DYRK1A: variants seen among roughly 807,000 people sequenced by gnomAD.
DYRK1A encodes the protein dual specificity tyrosine phosphorylation regulated kinase 1A.
A neutral mutation model predicts 79.7 loss-of-function variants in DYRK1A; 9 were observed. The ratio of observed to expected loss-of-function variants is 0.11; its 90% CI spans 0.07 to 0.20. The LOEUF is 0.20. Among genes scored for constraint, DYRK1A ranks in the 10% least tolerant of loss-of-function variants. The pLI is 1.00. For synonymous variants in DYRK1A, 349 were observed against 329.7 expected (o/e 1.06, Z -0.63); for missense variants, 622 against 956.0 (o/e 0.65, Z 4.61).
chr21:37,444,536 G>A (rs891259748), intron 2 of DYRK1A, among the ~76,000 whole-genome samples: 2 of 152,210 alleles, frequency 1.3e-5, no homozygotes, highest in East Asian at 3.8e-4. Flanking sequence ...GGACCTTACT[G>A]TGTGTGGGGA....
intron 1 of DYRK1A, among the ~76,000 whole-genome samples, chr21:37,417,537 T>TC (rs1169486766): frequency 1.0e-4 from 11 of 107,390 alleles, no homozygotes; most frequent in Non-Finnish European, 2.1e-4. Context: ...TTCTTTTTTT[T>TC]TTTTTTTTTT....
At position 37,367,416 on chromosome 21, in the gene DYRK1A, G is replaced by C. The variant is rs1294656858; in HGVS notation, c.-289G>C. 1.3e-5 allele frequency: 2 copies of C among 148,982 alleles called. No individual in the cohort carries two copies. Among genetic ancestry groups the C allele is most frequent in the Non-Finnish European group, 3.0e-5 (2 of 66,796 alleles). 9.2% of individuals were successfully genotyped at this position (148,982 alleles called of 1,614,324 possible). On this transcript the variant is annotated 5_prime_UTR_variant, in exon 1 of 12. Coordinates refer to ENST00000647188, the MANE Select transcript of DYRK1A (RefSeq NM_001347721.2). ...GGGGACTGCGGTATTTGCCGGGGAG[G>C]GGGCTGTCGCCTCCCCGGCCCCGGG...
Position 37,512,557 on chromosome 21 carries a change from TTG to T in DYRK1A, c.*32_*33del. On this transcript the variant is annotated 3_prime_UTR_variant, in exon 12 of 12. Coordinates refer to ENST00000647188, the MANE Select transcript of DYRK1A (RefSeq NM_001347721.2). ...CTACATTGAAACTTGAGTTTGTTTC[TTG>T]TGTGTTTTTATAGAAGTGGTGTTTT... is the stretch of plus-strand genomic sequence containing the variant. 1.3e-6 allele frequency: 2 copies of T among 1,596,812 alleles called. No homozygotes were observed. The highest frequency in any genetic ancestry group is 1.7e-6 in the Non-Finnish European group (2 of 1,169,570).
At chr21:37,367,735 C>T (rs2049339352) in intron 1 of DYRK1A, 107 bp downstream of exon 1, 1 of 146,008 alleles carries the variant, frequency 6.8e-6, no homozygotes, top group Middle Eastern at 3.8e-3. Flanking sequence ...GAGGGACCTG[C>T]CATTTTAGGA....
At chr21:37,434,485 T>C (rs2050867469) in intron 2 of DYRK1A, among the ~76,000 whole-genome samples, 1 of 152,220 alleles carries the variant, frequency 6.6e-6, no homozygotes, top group Non-Finnish European at 1.5e-5. Flanking sequence ...AGAACACTGA[T>C]GTTCTTTAAA....
intron 4 of DYRK1A, among the ~76,000 whole-genome samples, chr21:37,479,136 T>A (rs1300216143): frequency 2.0e-5 from 3 of 151,620 alleles, no homozygotes; most frequent in South Asian, 2.1e-4. Flanking sequence ...GAAAAGATGT[T>A]CTTAGGTACA....
chr21:37,408,073 A>G (rs1047819066), intron 1 of DYRK1A, among the ~76,000 whole-genome samples: 13 of 152,356 alleles, frequency 8.5e-5, no homozygotes, highest in African/African-American at 3.1e-4. Flanking sequence ...AGTTAAAAAC[A>G]TTTCATGAAT....
At chr21:37,431,894 T>A (rs2050785828) in intron 2 of DYRK1A, among the ~76,000 whole-genome samples, 1 of 152,116 alleles carries the variant, frequency 6.6e-6, no homozygotes, top group Non-Finnish European at 1.5e-5. Context: ...TGCAAGAAAT[T>A]GATACAAAAA....
rs377593657 is a variant in DYRK1A, at chr21:37,514,788, G to A, written c.*2257G>A. The A allele has an allele frequency of 2.8e-4, 43 of 152,654 alleles. No individual in the cohort carries two copies. The highest frequency in any genetic ancestry group is 8.9e-4 in the African/African-American group (37 of 41,544). The allele number at this position is 152,654 out of a possible 1,614,324, so 9.5% of individuals were successfully genotyped here. On this transcript the variant is annotated 3_prime_UTR_variant, in exon 12 of 12. Transcript: ENST00000647188. ...TAGCAATATCAAAAGGAATTCAGTAGTTACTGCTGTTTAGGAATATAAGGT... is the reference window on the plus strand; with the variant it reads ...TAGCAATATCAAAAGGAATTCAGTAATTACTGCTGTTTAGGAATATAAGGT...
intron 1 of DYRK1A, among the ~76,000 whole-genome samples, chr21:37,368,964 C>G (rs1416877525): frequency 6.6e-6 from 1 of 151,872 alleles, no homozygotes; most frequent in African/African-American, 2.4e-5. Context: ...ACTTTTCAGG[C>G]CTTTCCCCCC....
At chr21:37,488,317 G>C in intron 6 of DYRK1A, 4 of 964,750 alleles carry the variant, frequency 4.1e-6, no homozygotes, top group Non-Finnish European at 4.9e-6. Context: ...GATTAGACAA[G>C]TTCATATCAA....
At chr21:37,409,028 G>C (rs13047462) in intron 1 of DYRK1A, among the ~76,000 whole-genome samples, 5,924 of 152,220 alleles carry the variant, frequency 0.039, 168 homozygotes, top group Middle Eastern at 0.095. Context: ...GGGAAGCTCT[G>C]GGGGAGACAG....
At chr21:37,369,145 C>T (rs2049379468) in intron 1 of DYRK1A, among the ~76,000 whole-genome samples, 1 of 152,296 alleles carries the variant, frequency 6.6e-6, no homozygotes, top group Admixed American at 6.5e-5. Flanking sequence ...AAGGGTTCCT[C>T]TGTGACCCTT....
At chr21:37,403,434 C>T (rs1383469721) in intron 1 of DYRK1A, among the ~76,000 whole-genome samples, 4 of 151,584 alleles carry the variant, frequency 2.6e-5, no homozygotes, top group Non-Finnish European at 5.9e-5. Flanking sequence ...TCTTTGCTGC[C>T]TACTAATTAT....
intron 1 of DYRK1A, among the ~76,000 whole-genome samples, chr21:37,417,506 CTTTTCTTTTTCT>C (rs3831374): frequency 4.3e-5 from 3 of 70,444 alleles, no homozygotes; most frequent in Admixed American, 1.6e-4. Context: ...TTTTATTTTT[CTTTTCTTTTTCT>C]TTTTCTTTTT....
chr21:37,404,276 T>C (rs1160967650), intron 1 of DYRK1A, among the ~76,000 whole-genome samples: 1 of 152,112 alleles, frequency 6.6e-6, no homozygotes, highest in Non-Finnish European at 1.5e-5. Flanking sequence ...GTGGGCACCC[T>C]GTGGCCTAGG....
At chr21:37,443,773 T>C (rs1045192268) in intron 2 of DYRK1A, among the ~76,000 whole-genome samples, 8 of 152,192 alleles carry the variant, frequency 5.3e-5, no homozygotes, top group Non-Finnish European at 1.2e-4. Flanking sequence ...ATCTTTGCCT[T>C]CTTTCTCACA....
At position 37,512,251 on chromosome 21, in the gene DYRK1A, C is replaced by T; in HGVS notation, c.1985C>T (p.Ser662Phe). Residue 662 changes from serine to phenylalanine, a missense_variant, in exon 12 of 12, where the codon TCT becomes TTT. By Grantham distance (155) the Ser-to-Phe change is radical (BLOSUM62 -2). Coordinates refer to ENST00000647188, the MANE Select transcript of DYRK1A (RefSeq NM_001347721.2). ...STTSSSTSSS[S>F]TGNQGNQAYQ... ...ACTTCTTCCTCGACATCTTCCTCCT[C>T]TACTGGTAACCAAGGCAATCAGGCC... 1 of 1,614,242 alleles carries T rather than the reference C, an allele frequency of 6.2e-7. No homozygotes were observed. Among genetic ancestry groups the T allele is most frequent in the Non-Finnish European group, 8.5e-7 (1 of 1,180,048 alleles).
intron 1 of DYRK1A, among the ~76,000 whole-genome samples, chr21:37,380,526 C>T (rs2049635149): frequency 6.6e-6 from 1 of 151,968 alleles, no homozygotes; most frequent in African/African-American, 2.4e-5. Context: ...GACAGCTATG[C>T]AAAGGGAGAA....
Sources: allele counts gnomAD v4.1 joint callset (sites outside exome capture counted in the v4.1 genomes callset), GRCh38; gene constraint gnomAD v4.1.1; transcripts MANE v1.5; gene names NCBI Gene and HGNC (gene_info 2026-07-23, HGNC 2026-07-21).